The following SEMA6D variants were observed in gnomAD, a reference collection of about 807,000 sequenced individuals.
The protein encoded by SEMA6D is semaphorin-6D.
Under a neutral mutation model 106.6 loss-of-function variants are expected in SEMA6D, and 35 were observed. That is an observed-to-expected ratio of 0.33 (90% confidence interval 0.25 to 0.44). The LOEUF (loss-of-function observed/expected upper bound fraction) is 0.44, where lower values mean the gene tolerates loss of function less well. Ranked by LOEUF, SEMA6D falls within the 20% of genes least tolerant of loss-of-function variation. The pLI, the probability that SEMA6D is intolerant of heterozygous loss-of-function variation, is 1.00. For synonymous variants in SEMA6D, 499 were observed against 487.7 expected (o/e 1.02, Z -0.31); for missense variants, 1,185 against 1,345.9 (o/e 0.88, Z 1.87).
intron 1 of SEMA6D, among the ~76,000 whole-genome samples, chr15:47,210,929 T>G (rs1241678821): frequency 6.6e-6 from 1 of 152,026 alleles, no homozygotes; most frequent in African/African-American, 2.4e-5. Flanking sequence ...TTTCCAGAGA[T>G]GTAGGAAAAC....
intron 1 of SEMA6D, chr15:47,730,496 T>C (rs895790444): frequency 1.5e-5 from 19 of 1,297,620 alleles, no homozygotes; most frequent in East Asian, 7.0e-5. Context: ...AGCTTTCTTA[T>C]TGTCCACCAA....
chr15:47,263,204 A>C (rs1278981149), intron 1 of SEMA6D, among the ~76,000 whole-genome samples: 2 of 152,206 alleles, frequency 1.3e-5, no homozygotes, highest in African/African-American at 4.8e-5. Flanking sequence ...AATGGATTCT[A>C]ATTAAACTAA....
intron 1 of SEMA6D, among the ~76,000 whole-genome samples, chr15:47,221,620 T>A (rs1035813695): frequency 6.6e-6 from 1 of 152,226 alleles, no homozygotes; most frequent in Non-Finnish European, 1.5e-5. Context: ...TAAAAGAAAT[T>A]TAGCACTTCC....
At chr15:47,664,737 A>C (rs540393195) in intron 4 of SEMA6D, among the ~76,000 whole-genome samples, 4 of 152,310 alleles carry the variant, frequency 2.6e-5, no homozygotes, top group Non-Finnish European at 5.9e-5. Context: ...GTGATTAGCC[A>C]CTTCCCAAGA....
At position 47,405,256 on chromosome 15, in the gene SEMA6D, G is replaced by C. The variant is rs151099449; in HGVS notation, c.-238-7137G>C. On this transcript the variant is annotated intron_variant, in intron 1 of 19. Coordinates refer to the SEMA6D transcript ENST00000558014. ...GATGGAGACTGTAAGGGATTGGAGGGGGTGGCATGAGCTTAGTGTTTCTGA... is the reference window on the plus strand; with the variant it reads ...GATGGAGACTGTAAGGGATTGGAGGCGGTGGCATGAGCTTAGTGTTTCTGA... 2.6e-5 allele frequency among the ~76,000 whole-genome samples: 4 copies of C among 152,116 alleles called. No individual in the cohort carries two copies. In the South Asian group the frequency reaches 8.3e-4, roughly 32 times the overall value.
intron 1 of SEMA6D, among the ~76,000 whole-genome samples, chr15:47,207,612 A>C (rs753885895): frequency 2.0e-5 from 3 of 152,142 alleles, no homozygotes; most frequent in African/African-American, 7.2e-5. Context: ...TGAGAAGAGG[A>C]TGTGAAGATT....
At chr15:47,568,740 TCG>T (rs1370109641) in intron 3 of SEMA6D, among the ~76,000 whole-genome samples, 1 of 152,202 alleles carries the variant, frequency 6.6e-6, no homozygotes, top group Non-Finnish European at 1.5e-5. Flanking sequence ...CCAAACTTAC[TCG>T]TACTGTGCCT....
At chr15:47,476,189 A>G (rs966673496) in intron 3 of SEMA6D, among the ~76,000 whole-genome samples, 2 of 152,196 alleles carry the variant, frequency 1.3e-5, no homozygotes, top group Non-Finnish European at 2.9e-5. Context: ...TTTACGGAGA[A>G]TGCTGGGAAT....
intron 4 of SEMA6D, among the ~76,000 whole-genome samples, chr15:47,672,780 A>G (rs893507132): frequency 6.6e-6 from 1 of 152,148 alleles, no homozygotes; most frequent in African/African-American, 2.4e-5. Flanking sequence ...TTTCTAGTCC[A>G]GGCAATGTAT....
intron 1 of SEMA6D, among the ~76,000 whole-genome samples, chr15:47,401,879 T>C (rs1257610045): frequency 6.6e-6 from 1 of 152,218 alleles, no homozygotes; most frequent in Non-Finnish European, 1.5e-5. Flanking sequence ...TCCAATGTTT[T>C]TTCCTTTCTA....
intron 4 of SEMA6D, among the ~76,000 whole-genome samples, chr15:47,662,821 T>C (rs1345865304): frequency 6.7e-6 from 1 of 148,682 alleles, no homozygotes; most frequent in Non-Finnish European, 1.5e-5. Flanking sequence ...AAAAAGGAGA[T>C]AGAAGTAAGC....
At chr15:47,443,990 T>G (rs1306149804) in intron 2 of SEMA6D, among the ~76,000 whole-genome samples, 9 of 152,174 alleles carry the variant, frequency 5.9e-5, no homozygotes, top group Non-Finnish European at 1.5e-5. Context: ...AAGACAGTCA[T>G]GGTATCTTGG....
chr15:47,210,139 C>T (rs1595745160), intron 1 of SEMA6D, among the ~76,000 whole-genome samples: 2 of 152,152 alleles, frequency 1.3e-5, no homozygotes, highest in Non-Finnish European at 2.9e-5. Context: ...CTGATTAAAT[C>T]CCATACCATT....
chr15:47,702,130 G>A (rs1441724513), intron 4 of SEMA6D, among the ~76,000 whole-genome samples: 1 of 152,054 alleles, frequency 6.6e-6, no homozygotes, highest in Admixed American at 6.6e-5. Flanking sequence ...AGACACTGAT[G>A]GTCATACTTG....
chr15:47,493,630 GTTTTCTA>G (rs1167445717), intron 3 of SEMA6D, among the ~76,000 whole-genome samples: 1 of 151,980 alleles, frequency 6.6e-6, no homozygotes, highest in East Asian at 1.9e-4. Context: ...AGTTTTGAGT[GTTTTCTA>G]TTTGTCAAGA....
chr15:47,590,018 C>G (rs1171297712), intron 3 of SEMA6D, among the ~76,000 whole-genome samples: 1 of 152,092 alleles, frequency 6.6e-6, no homozygotes, highest in Non-Finnish European at 1.5e-5. Context: ...TGTTGAAGTC[C>G]TAACCCCCAT....
intron 1 of SEMA6D, among the ~76,000 whole-genome samples, chr15:47,405,893 G>A (rs891851215): frequency 6.6e-6 from 1 of 152,048 alleles, no homozygotes; most frequent in African/African-American, 2.4e-5. Context: ...CCAGGCATCT[G>A]GTAGCTCCAA....
intron 1 of SEMA6D, among the ~76,000 whole-genome samples, chr15:47,334,585 G>A (rs1212469034): frequency 1.3e-5 from 2 of 152,132 alleles, no homozygotes. Flanking sequence ...GTTGATTACT[G>A]TTATTTTGTT....
At chr15:47,766,750 T>C (rs1000480330) in intron 16 of SEMA6D, 73 bp downstream of exon 16, 22 of 1,061,980 alleles carry the variant, frequency 2.1e-5, no homozygotes, top group Non-Finnish European at 2.9e-5. Context: ...TATTTTACAA[T>C]CAGTCTTTTT....
Sources: allele counts gnomAD v4.1 joint callset (sites outside exome capture counted in the v4.1 genomes callset), GRCh38; gene constraint gnomAD v4.1.1; transcripts MANE v1.5; gene names NCBI Gene and HGNC (gene_info 2026-07-23, HGNC 2026-07-21).